TRADD: variants seen among roughly 807,000 people sequenced by gnomAD.
The protein encoded by TRADD is tumor necrosis factor receptor type 1-associated DEATH domain protein.
TRADD carries 14 observed loss-of-function variants against 31.5 expected under a neutral mutation model. The ratio of observed to expected loss-of-function variants is 0.44; its 90% CI spans 0.29 to 0.69. The LOEUF is 0.69. Ranked by LOEUF, TRADD falls within the 30% of genes least tolerant of loss-of-function variation. TRADD has a pLI of 0.11. For missense variants in TRADD, 388 were observed against 435.7 expected (o/e 0.89, Z 0.97); for synonymous variants, 220 against 215.8 (o/e 1.02, Z -0.17).
chr16:67,155,845 A>C, intron 2 of TRADD, 191 bp from the exon 3 acceptor site: 3 of 1,484,528 alleles, frequency 2.0e-6, no homozygotes, highest in Non-Finnish European at 2.7e-6. Flanking sequence ...GAAGACCAGG[A>C]TCTGTCACAG....
chr16:67,155,734 G>A (rs1402972930), intron 2 of TRADD, 80 bp from the exon 3 acceptor site: 13 of 1,492,282 alleles, frequency 8.7e-6, no homozygotes, highest in Non-Finnish European at 9.8e-6. Context: ...GGCGAAGCCC[G>A]TGGTGAAGCC....
chr16:67,155,405 C>T lies in TRADD; in HGVS notation c.401G>A (p.Arg134His), dbSNP rs753417792. 4.1e-5 allele frequency: 66 copies of T among 1,598,432 alleles called. No individual in the cohort carries two copies. In the Middle Eastern group the frequency reaches 6.6e-4, roughly 16 times the overall value. The change falls in exon 3 of 5, where the codon CGC becomes CAC. Residue 134 changes from arginine to histidine, a missense_variant. Physicochemically the swap from Arg to His is conservative, Grantham distance 29. Coordinates refer to ENST00000345057, the MANE Select transcript of TRADD (RefSeq NM_003789.4). ...CTGGGCTAGGATGCAACTCAAACAG[C>T]GCTCCTCGTCCGCCAGCAAAGCGTC... is the stretch of plus-strand genomic sequence containing the variant. The part of the protein sequence containing the change: ...RLDALLADEE[R>H]CLSCILAQQP...
Position 67,156,015 on chromosome 16 carries a change from A to T in TRADD, c.152-361T>A. ...GGCCAGCAGGGCAGAGGAGGGCGAG[A>T]GGTCTCAGGTCTTCGGCCTCCACCA... On this transcript the variant is annotated intron_variant, in intron 2 of 4. Transcript: ENST00000345057. The surrounding 1 kb of genome is among the most constrained non-coding windows in gnomAD (Gnocchi z 4.6). 1.4e-6 allele frequency: 2 copies of T among 1,382,998 alleles called. No homozygotes were observed. The highest frequency in any genetic ancestry group is 1.9e-6 in the Non-Finnish European group (2 of 1,050,672). The allele number at this position is 1,382,998 out of a possible 1,614,324, so 85.7% of individuals were successfully genotyped here. A position where few individuals can be genotyped will look rare whatever the true frequency, so the allele number is the denominator to read the frequency against.
rs1567663256 is a variant in TRADD, at chr16:67,156,109, A to G, written c.151+401T>C. ...TCTGAGGCCACGAACAGATCCCCCAACCCGCTTCAGCCTCCTGTGGCCTCT... is the reference window on the plus strand; with the variant it reads ...TCTGAGGCCACGAACAGATCCCCCAGCCCGCTTCAGCCTCCTGTGGCCTCT... On this transcript the variant is annotated intron_variant, in intron 2 of 4. Coordinates refer to ENST00000345057, the MANE Select transcript of TRADD (RefSeq NM_003789.4). This position sits in a 1 kb window ranked among gnomAD's most constrained non-coding sequence, Gnocchi z 4.6. 1.5e-6 allele frequency: 2 copies of G among 1,340,972 alleles called. No individual in the cohort carries two copies. Among genetic ancestry groups the G allele is most frequent in the Non-Finnish European group, 2.0e-6 (2 of 1,023,660 alleles). The allele number at this position is 1,340,972 out of a possible 1,614,324, so 83.1% of individuals were successfully genotyped here.
chr16:67,155,127 G>A lies in TRADD; in HGVS notation c.597C>T (p.Ala199=), dbSNP rs762659272. The A allele has an allele frequency of 3.2e-6, 5 of 1,544,848 alleles. No homozygotes were observed. The highest frequency in any genetic ancestry group is 1.7e-4 in the Middle Eastern group (1 of 5,992). ...GCTGACCCTGGAACAGAAAAGTCTG[G>A]GCAGGTGGCGGCGGCGGCGGCGGCT... is the stretch of plus-strand genomic sequence containing the variant. ...EVKPPPPPPP[A]QTFLFQGQPV... Residue 199 remains alanine, a synonymous_variant, in exon 4 of 5, where the codon GCC becomes GCT. Transcript: ENST00000345057.
Position 67,155,358 on chromosome 16 carries a change from G to C in TRADD, c.429+19C>G, listed in dbSNP as rs776821726. 14 of 1,602,930 alleles carry C rather than the reference G, an allele frequency of 8.7e-6. No individual in the cohort carries two copies. In the African/African-American group the frequency reaches 1.9e-4, roughly 21 times the overall value. On this transcript the variant is annotated intron_variant, in intron 3 of 4. Coordinates refer to ENST00000345057, the MANE Select transcript of TRADD (RefSeq NM_003789.4). ...GCGGATCCCCGCCCTACCCCATCCT[G>C]ACCCTAGCCCGGCCGCACCTGCTGG...
Position 67,154,738 on chromosome 16 carries a change from G to C in TRADD, c.850C>G (p.Arg284Gly), listed in dbSNP as rs772642482. Residue 284 changes from arginine (R) to glycine (G), a missense_variant, in exon 5 of 5, where the codon CGC (arginine) becomes GGC (glycine). Arg to Gly is a moderately radical substitution (Grantham distance 125). Transcript: ENST00000345057. The surrounding 1 kb of genome is among the most constrained non-coding windows in gnomAD (Gnocchi z 5.2). ...TTCTCCTCGAGTGCCTCCACCAGGC[G>C]CTGCAGCGTGGCGCGGCGGCCCTCG... ...QAEGRRATLQ[R>G]LVEALEENEL... The C allele has an allele frequency of 2.5e-6, 4 of 1,611,180 alleles. No individual in the cohort carries two copies. The highest frequency in any genetic ancestry group is 3.4e-6 in the Non-Finnish European group (4 of 1,179,150).
Position 67,159,219 on chromosome 16 carries a change from G to T in TRADD, c.-9+619C>A, listed in dbSNP as rs1462979353. On this transcript the variant is annotated intron_variant, in intron 1 of 4. Coordinates refer to ENST00000345057, the MANE Select transcript of TRADD (RefSeq NM_003789.4). The surrounding 1 kb of genome is among the most constrained non-coding windows in gnomAD (Gnocchi z 6.8). ...TTTTTGGGCGGGGCTGAGGCTTCCA[G>T]GCTGGGTCCTGAGAAAGTTTGGTGG... Among the ~76,000 whole-genome samples the T allele has an allele frequency of 6.6e-6, 1 of 152,240 alleles. No homozygotes were observed. Among genetic ancestry groups the T allele is most frequent in the African/African-American group, 2.4e-5 (1 of 41,462 alleles).
In TRADD at chr16:67,159,632, T is replaced by G. The variant is rs1437905839; in HGVS notation, c.-9+206A>C. Among the ~76,000 whole-genome samples the G allele has an allele frequency of 6.6e-6, 1 of 152,140 alleles. No homozygotes were observed. The highest frequency in any genetic ancestry group is 1.5e-5 in the Non-Finnish European group (1 of 68,016). On this transcript the variant is annotated intron_variant, in intron 1 of 4. Transcript: ENST00000345057. This position sits in a 1 kb window ranked among gnomAD's most constrained non-coding sequence, Gnocchi z 6.8. Reference sequence around the variant, plus strand: ...GCAGGGCCCTACTGCACCTCGAAAGTGCTGGCAGGGACGAGGAGCCTGCGG... The same window carrying G: ...GCAGGGCCCTACTGCACCTCGAAAGGGCTGGCAGGGACGAGGAGCCTGCGG...
rs1183170817 is a variant in TRADD, at chr16:67,154,889, C to T, written c.699G>A (p.Val233=). 2.5e-6 allele frequency: 4 copies of T among 1,602,496 alleles called. No individual in the cohort carries two copies. The African/African-American group carries it at 4.0e-5, about 16-fold the overall frequency. The change falls in exon 5 of 5, where the codon GTG becomes GTA. Residue 233 remains valine (V), a synonymous_variant. Coordinates refer to ENST00000345057, the MANE Select transcript of TRADD (RefSeq NM_003789.4). This position sits in a 1 kb window ranked among gnomAD's most constrained non-coding sequence, Gnocchi z 5.2. Reference sequence around the variant, plus strand: ...GGCAGCCTCGCTGCAGTGAGCGCCCCACCTTGCGCCATTTGAGACCCACAG... The same window carrying T: ...GGCAGCCTCGCTGCAGTGAGCGCCCTACCTTGCGCCATTTGAGACCCACAG... The part of the protein sequence containing the change: ...ARSVGLKWRK[V]GRSLQRGCRA...
At position 67,156,188 on chromosome 16, in the gene TRADD, G is replaced by C; in HGVS notation, c.151+322C>G. 2 of 1,409,008 alleles carry C rather than the reference G, an allele frequency of 1.4e-6. No homozygotes were observed. Among genetic ancestry groups the C allele is most frequent in the South Asian group, 1.2e-5 (1 of 82,114 alleles). The allele number at this position is 1,409,008 out of a possible 1,614,324, so 87.3% of individuals were successfully genotyped here. On this transcript the variant is annotated intron_variant, in intron 2 of 4. Transcript: ENST00000345057. This position sits in a 1 kb window ranked among gnomAD's most constrained non-coding sequence, Gnocchi z 4.6. ...AGGGTAGGTACTGGGGAGGGGTCTTGAGCAAGGAGTGCTGCAGTAAGAGAG... is the reference window on the plus strand; with the variant it reads ...AGGGTAGGTACTGGGGAGGGGTCTTCAGCAAGGAGTGCTGCAGTAAGAGAG...
rs757323677 is a variant in TRADD at position 67,154,793 on chromosome 16, G to C, written c.795C>G (p.Ala265=). 1 of 1,599,264 alleles carries C rather than the reference G, an allele frequency of 6.3e-7. No individual in the cohort carries two copies. The highest frequency in any genetic ancestry group is 2.3e-5 in the East Asian group (1 of 43,898). The change falls in exon 5 of 5, where the codon GCC becomes GCG. Residue 265 remains alanine (A), a synonymous_variant. Transcript: ENST00000345057. The surrounding 1 kb of genome is among the most constrained non-coding windows in gnomAD (Gnocchi z 5.2). ...GCACGAAGCGCCGCAGCAGCTGGAA[G>C]GCCTGCTCGTACAGTCCCTCGCGCT... ...EYEREGLYEQ[A]FQLLRRFVQA...
intron 1 of TRADD, among the ~76,000 whole-genome samples, chr16:67,158,926 G>A (rs1225260394): frequency 6.6e-6 from 1 of 152,140 alleles, no homozygotes; most frequent in Non-Finnish European, 1.5e-5. Context: ...GTGGAAGTGG[G>A]GACCGAACAG....
In TRADD at chr16:67,156,496, G is replaced by A. The variant is rs1234898582; in HGVS notation, c.151+14C>T. On this transcript the variant is annotated intron_variant, in intron 2 of 4. Coordinates refer to ENST00000345057, the MANE Select transcript of TRADD (RefSeq NM_003789.4). This position sits in a 1 kb window ranked among gnomAD's most constrained non-coding sequence, Gnocchi z 4.6. ...GCCACCCCTTCCTCTCCACATGCCCGCCCATCCACGCACCTGCCAAGGCAG... is the reference window on the plus strand; with the variant it reads ...GCCACCCCTTCCTCTCCACATGCCCACCCATCCACGCACCTGCCAAGGCAG... 6.2e-6 allele frequency: 10 copies of A among 1,609,848 alleles called. No homozygotes were observed. The highest frequency in any genetic ancestry group is 8.5e-6 in the Non-Finnish European group (10 of 1,179,970).
At chr16:67,155,695 T>C in intron 2 of TRADD, 41 bp from the exon 3 acceptor site, 1 of 1,529,652 alleles carries the variant, frequency 6.5e-7, no homozygotes, top group Non-Finnish European at 8.7e-7. Context: ...GTCCCCAAGC[T>C]CGGCCGTTCT....
chr16:67,154,282 GTTT>G lies in TRADD; in HGVS notation c.*364_*366del. On this transcript the variant is annotated 3_prime_UTR_variant, in exon 5 of 5. Coordinates refer to ENST00000345057, the MANE Select transcript of TRADD (RefSeq NM_003789.4). The surrounding 1 kb of genome is among the most constrained non-coding windows in gnomAD (Gnocchi z 5.2). ...CTGGGGGCAGGCAAGATTGATTCCT[GTTT>G]TACTTCACTGCAGTATCTGCAGCAC... 2.7e-6 allele frequency: 1 copy of G among 373,280 alleles called. No individual in the cohort carries two copies. The highest frequency in any genetic ancestry group is 5.0e-6 in the Non-Finnish European group (1 of 200,082). 23.1% of individuals were successfully genotyped at this position (373,280 alleles called of 1,614,324 possible). A position where few individuals can be genotyped will look rare whatever the true frequency, so the allele number is the denominator to read the frequency against.
intron 2 of TRADD, chr16:67,155,863 C>T: frequency 2.6e-6 from 4 of 1,515,924 alleles, no homozygotes; most frequent in Non-Finnish European, 3.5e-6. Context: ...CAGGGAGCAC[C>T]CTAAGACAGA....
Position 67,154,980 on chromosome 16 carries a change from C to CGGGGTGAGG in TRADD, c.629-30_629-22dup. ...ATTCACTGCAGAGGGAGTGGGGAAACGGGGTGAGGGCGGGGACCCCCAGCG... is the reference window on the plus strand; with the variant it reads ...ATTCACTGCAGAGGGAGTGGGGAAACGGGGTGAGGGGGGTGAGGGCGGGGACCCCCAGCG... On this transcript the variant is annotated intron_variant, in intron 4 of 4. Transcript: ENST00000345057. This position sits in a 1 kb window ranked among gnomAD's most constrained non-coding sequence, Gnocchi z 5.2. The CGGGGTGAGG allele has an allele frequency of 6.2e-7, 1 of 1,604,694 alleles. No individual in the cohort carries two copies. Among genetic ancestry groups the CGGGGTGAGG allele is most frequent in the Non-Finnish European group, 8.5e-7 (1 of 1,176,508 alleles).
At chr16:67,157,634 A>G (rs2030745994) in intron 1 of TRADD, among the ~76,000 whole-genome samples, 1 of 152,202 alleles carries the variant, frequency 6.6e-6, no homozygotes, top group Non-Finnish European at 1.5e-5. Flanking sequence ...TGTGAGCTAA[A>G]TAATTCCTTT....
Sources: gnomAD v4.1 joint callset for allele counts (sites outside exome capture counted in the v4.1 genomes callset) on GRCh38, gnomAD v4.1.1 for gene constraint, Gnocchi (gnomAD v3.1) non-coding constraint, MANE v1.5 for transcripts, NCBI Gene and HGNC (gene_info 2026-07-23, HGNC 2026-07-21) for gene names.